The following SEPTIN14 variants were observed in gnomAD, a reference collection of about 807,000 sequenced individuals.
SEPTIN14 encodes the protein septin 14.
Under a neutral mutation model 53.6 loss-of-function variants are expected in SEPTIN14, and 40 were observed. The ratio of observed to expected loss-of-function variants is 0.75; its 90% CI spans 0.58 to 0.97. The LOEUF (loss-of-function observed/expected upper bound fraction) is 0.97. Ranked by LOEUF, SEPTIN14 falls within the 50% of genes least tolerant of loss-of-function variation. The pLI is 0.00. For synonymous variants in SEPTIN14, 138 were observed against 166.8 expected (o/e 0.83, Z 1.33); for missense variants, 471 against 508.2 (o/e 0.93, Z 0.70).
chr7:55,824,628 C>CAA (rs34568525), intron 6 of SEPTIN14, among the ~76,000 whole-genome samples: 30,641 of 144,760 alleles, frequency 0.21, 4,429 homozygotes, highest in East Asian at 0.43. Flanking sequence ...ACTAAAAATA[C>CAA]AAAAAAAAAA....
At chr7:55,807,041 G>A (rs1788620161) in intron 8 of SEPTIN14, 49 bp downstream of exon 8, 1 of 1,336,528 alleles carries the variant, frequency 7.5e-7, no homozygotes, top group Non-Finnish European at 1.0e-6. Context: ...TGTGTTTGTA[G>A]GGACTCCTAA....
chr7:55,852,058 C>T (rs541430173), intron 2 of SEPTIN14, among the ~76,000 whole-genome samples: 3 of 150,668 alleles, frequency 2.0e-5, no homozygotes, highest in Non-Finnish European at 2.9e-5. Context: ...AGGAGAATGA[C>T]GTGAACCTGA....
intron 6 of SEPTIN14, among the ~76,000 whole-genome samples, chr7:55,825,970 C>A (rs552371920): frequency 6.6e-6 from 1 of 152,180 alleles, no homozygotes; most frequent in East Asian, 1.9e-4. Flanking sequence ...GGCGTGGTGG[C>A]AGGCGCCTGT....
At chr7:55,826,696 C>T (rs1788993251) in intron 6 of SEPTIN14, among the ~76,000 whole-genome samples, 1 of 151,448 alleles carries the variant, frequency 6.6e-6, no homozygotes, top group Non-Finnish European at 1.5e-5. Flanking sequence ...ACTCAGGAGG[C>T]TGAGGCAGGA....
At chr7:55,812,375 A>C (rs1788718249) in intron 7 of SEPTIN14, among the ~76,000 whole-genome samples, 1 of 152,224 alleles carries the variant, frequency 6.6e-6, no homozygotes, top group Non-Finnish European at 1.5e-5. Flanking sequence ...GTGGTAACTA[A>C]AAATGTCAAT....
In SEPTIN14 at chr7:55,830,345, ATATATTT is replaced by A. The variant is rs1364819746; in HGVS notation, c.720+4073_720+4079del. On this transcript the variant is annotated intron_variant, in intron 6 of 9. Transcript: ENST00000388975. ...TGTATATATATATATATATATATATATATATTTTTTTTTTTTTTTGAGACGGAGTCTC... is the reference window on the plus strand; with the variant it reads ...TGTATATATATATATATATATATATATTTTTTTTTTTTGAGACGGAGTCTC... Among the ~76,000 whole-genome samples the A allele has an allele frequency of 7.1e-3, 285 of 40,030 alleles. 2 individuals are homozygous for A. Among genetic ancestry groups the A allele is most frequent in the African/African-American group, 0.05 (257 of 5,102 alleles). 26.3% of individuals were successfully genotyped at this position (40,030 alleles called of 152,430 possible). A position where few individuals can be genotyped will look rare whatever the true frequency, so the allele number is the denominator to read the frequency against.
At chr7:55,860,843 C>T (rs973387405) in intron 2 of SEPTIN14, among the ~76,000 whole-genome samples, 2 of 152,084 alleles carry the variant, frequency 1.3e-5, no homozygotes, top group African/African-American at 4.8e-5. Flanking sequence ...AGAGAGTAAG[C>T]CCCCACCTGA....
chr7:55,819,116 G>A lies in SEPTIN14; in HGVS notation c.817+11C>T, dbSNP rs1318209575. 66 of 1,506,080 alleles carry A rather than the reference G, an allele frequency of 4.4e-5. No homozygotes were observed. The highest frequency in any genetic ancestry group is 5.8e-5 in the Non-Finnish European group (64 of 1,099,240). 93.3% of individuals were successfully genotyped at this position (1,506,080 alleles called of 1,614,324 possible). ...TTAATCATTCCAAAGCCTGCCCTCTGTCATTTTTACCTTGCAAAACTCCCC... is the reference window on the plus strand; with the variant it reads ...TTAATCATTCCAAAGCCTGCCCTCTATCATTTTTACCTTGCAAAACTCCCC... On this transcript the variant is annotated intron_variant, in intron 7 of 9. Transcript: ENST00000388975.
At chr7:55,831,498 G>T (rs1789108536) in intron 6 of SEPTIN14, among the ~76,000 whole-genome samples, 1 of 152,134 alleles carries the variant, frequency 6.6e-6, no homozygotes, top group Non-Finnish European at 1.5e-5. Context: ...TGACTTAAAT[G>T]AAAGACCAGA....
chr7:55,806,999 A>G, intron 8 of SEPTIN14, 91 bp downstream of exon 8: 1 of 881,238 alleles, frequency 1.1e-6, no homozygotes, highest in Non-Finnish European at 1.7e-6. Context: ...TGGGAGAAGT[A>G]TAATTATTCT....
chr7:55,861,973 C>A lies in SEPTIN14; in HGVS notation c.24G>T (p.Met8Ile). The stretch of plus-strand genomic sequence containing the variant: ...CTCCATCAGCAGGTATTTGTGTGGG[C>A]ATAGCCATTGTTCTTTCTGCCATGC... MAERTMAMPTQIPADGDT... is the reference protein window; with the variant it reads MAERTMAIPTQIPADGDT... Residue 8 changes from methionine (M) to isoleucine (I), a missense_variant, in exon 2 of 10, where the codon ATG becomes ATT. Physicochemically the swap from Met to Ile is conservative, Grantham distance 10. Coordinates refer to ENST00000388975, the MANE Select transcript of SEPTIN14 (RefSeq NM_207366.3). The A allele has an allele frequency of 6.3e-7, 1 of 1,584,310 alleles. No individual in the cohort carries two copies.
intron 6 of SEPTIN14, among the ~76,000 whole-genome samples, chr7:55,828,059 A>G (rs1789021914): frequency 2.0e-5 from 3 of 151,872 alleles, no homozygotes; most frequent in Admixed American, 2.0e-4. Flanking sequence ...TGACACTACC[A>G]AAGGACACAC....
chr7:55,859,151 CAAAA>C, intron 2 of SEPTIN14, among the ~76,000 whole-genome samples: 1 of 119,168 alleles, frequency 8.4e-6, no homozygotes. Context: ...AACTCCATCT[CAAAA>C]AAAAAAAAAA....
rs927436829 is a variant in SEPTIN14, at chr7:55,794,814, C to G, written c.*1099G>C. The G allele has an allele frequency of 2.0e-5, 3 of 152,086 alleles. No individual in the cohort carries two copies. Among genetic ancestry groups the G allele is most frequent in the African/African-American group, 7.2e-5 (3 of 41,406 alleles). 9.4% of individuals were successfully genotyped at this position (152,086 alleles called of 1,614,324 possible). ...TACAGGTGCACAACACCACACCCGG[C>G]TAACTTTTGTATTATTAGTAGAGAT... is the stretch of plus-strand genomic sequence containing the variant. On this transcript the variant is annotated 3_prime_UTR_variant, in exon 10 of 10. Transcript: ENST00000388975.
chr7:55,856,682 C>T (rs949494914), intron 2 of SEPTIN14, among the ~76,000 whole-genome samples: 11 of 152,058 alleles, frequency 7.2e-5, no homozygotes, highest in South Asian at 2.1e-4. Context: ...CATGAGCCAC[C>T]GCGCTTGGCC....
chr7:55,829,602 C>T (rs907151765), intron 6 of SEPTIN14, among the ~76,000 whole-genome samples: 5 of 151,856 alleles, frequency 3.3e-5, no homozygotes, highest in African/African-American at 1.2e-4. Flanking sequence ...ATTCATCCCT[C>T]CCTGCTCGGA....
At chr7:55,801,107 AAT>A (rs748477187) in intron 9 of SEPTIN14, among the ~76,000 whole-genome samples, 24 of 152,138 alleles carry the variant, frequency 1.6e-4, no homozygotes, top group Non-Finnish European at 2.9e-4. Flanking sequence ...ATTAAGAAAA[AAT>A]AGATTAAATA....
In SEPTIN14 at chr7:55,861,982, T is replaced by A. The variant is rs781323543; in HGVS notation, c.15A>T (p.Thr5=). Residue 5 remains threonine, a synonymous_variant, in exon 2 of 10, where the codon ACA becomes ACT. Coordinates refer to ENST00000388975, the MANE Select transcript of SEPTIN14 (RefSeq NM_207366.3). ...CAGGTATTTGTGTGGGCATAGCCAT[T>A]GTTCTTTCTGCCATGCTACACTAAA... MAER[T]MAMPTQIPAD... is the part of the protein sequence containing the mutation. 1.3e-6 allele frequency: 2 copies of A among 1,583,688 alleles called. No individual in the cohort carries two copies. The highest frequency in any genetic ancestry group is 2.4e-5 in the South Asian group (2 of 84,418).
rs1308252032 is a variant in SEPTIN14 at position 55,795,039 on chromosome 7, T to A, written c.*874A>T. 4 of 152,178 alleles carry A rather than the reference T, an allele frequency of 2.6e-5. No individual in the cohort carries two copies. The highest frequency in any genetic ancestry group is 2.6e-4 in the Admixed American group (4 of 15,270). 9.4% of individuals were successfully genotyped at this position (152,178 alleles called of 1,614,324 possible). ...TTCAAATGCAACTCTTTCTCTAGCT[T>A]TTGAATTCTTTATTCTAATATCAGT... On this transcript the variant is annotated 3_prime_UTR_variant, in exon 10 of 10. Transcript: ENST00000388975.
Sources: allele counts gnomAD v4.1 joint callset (sites outside exome capture counted in the v4.1 genomes callset), GRCh38; gene constraint gnomAD v4.1.1; transcripts MANE v1.5; gene names NCBI Gene and HGNC (gene_info 2026-07-23, HGNC 2026-07-21).